TET1: variants seen among roughly 807,000 people sequenced by gnomAD.
TET1 encodes tet methylcytosine dioxygenase 1, also known as methylcytosine dioxygenase TET1.
In TET1, 13 loss-of-function variants were observed where a neutral mutation model predicts 148.7. That is an observed-to-expected ratio of 0.09 (90% confidence interval 0.06 to 0.14). TET1 has a LOEUF of 0.14. Ranked by LOEUF, TET1 falls within the 10% of genes least tolerant of loss-of-function variation. TET1 has a pLI of 1.00. For synonymous variants in TET1, 907 were observed against 937.2 expected (o/e 0.97, Z 0.59); for missense variants, 2,182 against 2,553.8 (o/e 0.85, Z 3.14).
At chr10:68,674,042 A>C (rs1447200702) in intron 8 of TET1, among the ~76,000 whole-genome samples, 14 of 145,404 alleles carry the variant, frequency 9.6e-5, no homozygotes, top group African/African-American at 3.6e-4. Context: ...GCTCACTGCA[A>C]CCTCCACTTC....
intron 3 of TET1, among the ~76,000 whole-genome samples, chr10:68,608,137 C>T (rs1272393212): frequency 6.6e-6 from 1 of 152,098 alleles, no homozygotes; most frequent in Non-Finnish European, 1.5e-5. Flanking sequence ...ATCATGTTGG[C>T]CAGGATGGTC....
chr10:68,637,006 T>TGTGTGA (rs1351386991), intron 3 of TET1, among the ~76,000 whole-genome samples: 1 of 151,822 alleles, frequency 6.6e-6, no homozygotes, highest in African/African-American at 2.4e-5. Context: ...TGTGTGTGTG[T>TGTGTGA]GTGAGTGTGT....
intron 9 of TET1, among the ~76,000 whole-genome samples, chr10:68,681,997 G>C (rs901536364): frequency 3.5e-5 from 5 of 142,514 alleles, no homozygotes; most frequent in Non-Finnish European, 7.6e-5. Flanking sequence ...ACCAGTCATT[G>C]TTAATAGAAA....
intron 3 of TET1, among the ~76,000 whole-genome samples, chr10:68,609,244 C>T (rs1456604634): frequency 6.6e-6 from 1 of 152,098 alleles, no homozygotes. Context: ...TCACTGCAAC[C>T]TCCACCTCCC....
intron 3 of TET1, among the ~76,000 whole-genome samples, chr10:68,610,961 A>G (rs1428814512): frequency 6.6e-6 from 1 of 152,202 alleles, no homozygotes; most frequent in African/African-American, 2.4e-5. Context: ...AATAGTGATT[A>G]TAATTACAAG....
At chr10:68,626,245 G>GT (rs1031424775) in intron 3 of TET1, among the ~76,000 whole-genome samples, 9 of 151,214 alleles carry the variant, frequency 6.0e-5, no homozygotes, top group Non-Finnish European at 1.3e-4. Context: ...CTCTTTACTC[G>GT]TTTTTTTATT....
intron 11 of TET1, 58 bp downstream of exon 11, chr10:68,686,765 A>C (rs983029628): frequency 8.8e-6 from 13 of 1,476,424 alleles, no homozygotes; most frequent in Non-Finnish European, 1.1e-5. Context: ...ATGTGTTTGG[A>C]CTTTGCCTTG....
In TET1 at chr10:68,690,908, A is replaced by G; in HGVS notation, c.5505A>G (p.Pro1835=). The change falls in exon 12 of 12, where the codon CCA becomes CCG. Residue 1835 remains proline, a synonymous_variant. Coordinates refer to ENST00000373644, the MANE Select transcript of TET1 (RefSeq NM_030625.3). ...ACACTAAAACTTATTCGCTGATGCCATCCGCTCCTCACCCAGTGAAAGAGG... is the reference window on the plus strand; with the variant it reads ...ACACTAAAACTTATTCGCTGATGCCGTCCGCTCCTCACCCAGTGAAAGAGG... ...SDNTKTYSLM[P]SAPHPVKEAS... 2.5e-6 allele frequency: 4 copies of G among 1,614,216 alleles called. No individual in the cohort carries two copies. Among genetic ancestry groups the G allele is most frequent in the Non-Finnish European group, 3.4e-6 (4 of 1,180,040 alleles).
intron 3 of TET1, among the ~76,000 whole-genome samples, chr10:68,629,731 T>A (rs923649464): frequency 6.6e-6 from 1 of 152,108 alleles, no homozygotes; most frequent in Non-Finnish European, 1.5e-5. Context: ...AGAGACGGAG[T>A]TTCACCATGT....
intron 2 of TET1, among the ~76,000 whole-genome samples, chr10:68,575,881 G>A (rs1204501046): frequency 2.0e-5 from 3 of 150,602 alleles, no homozygotes; most frequent in African/African-American, 4.9e-5. Context: ...TTAGCCGGGC[G>A]TGACGGCGTG....
chr10:68,689,311 CA>C (rs1349079045), intron 11 of TET1, among the ~76,000 whole-genome samples: 1 of 152,146 alleles, frequency 6.6e-6, no homozygotes, highest in Non-Finnish European at 1.5e-5. Flanking sequence ...ATTATATTAT[CA>C]ATTTATTATA....
chr10:68,591,152 A>G (rs573808260), intron 2 of TET1, among the ~76,000 whole-genome samples: 3 of 152,288 alleles, frequency 2.0e-5, no homozygotes, highest in African/African-American at 7.2e-5. Context: ...ACCGCATCCC[A>G]TTTATGCATT....
At chr10:68,562,153 C>G (rs2053561826) in intron 1 of TET1, among the ~76,000 whole-genome samples, 1 of 152,178 alleles carries the variant, frequency 6.6e-6, no homozygotes, top group Admixed American at 6.5e-5. Flanking sequence ...GGAAGAGCGG[C>G]GCTGTATAGC....
chr10:68,673,992 G>A (rs562772803), intron 8 of TET1, among the ~76,000 whole-genome samples: 27 of 91,234 alleles, frequency 3.0e-4, no homozygotes, highest in Non-Finnish European at 4.3e-4. Context: ...ACAGAGTTTC[G>A]CTCTTGTTGC....
Position 68,645,459 on chromosome 10 carries a change from A to T in TET1, c.2730A>T (p.Pro910=). ...LSEAPSENSS[P]SKSEKDEESE... is the part of the protein sequence containing the mutation. ...AAGCCCCATCAGAGAATTCCTCCCC[A>T]TCAAAGTCAGAGAAGGATGAGGAAT... Residue 910 remains proline (P), a synonymous_variant, in exon 4 of 12, where the codon CCA becomes CCT. Coordinates refer to ENST00000373644, the MANE Select transcript of TET1 (RefSeq NM_030625.3). The T allele has an allele frequency of 6.2e-7, 1 of 1,613,896 alleles. No homozygotes were observed. The highest frequency in any genetic ancestry group is 8.5e-7 in the Non-Finnish European group (1 of 1,180,034).
rs1157715055 is a variant in TET1 at position 68,617,225 on chromosome 10, C to T, written c.1968+16191C>T. Among the ~76,000 whole-genome samples, 269 of 130,628 alleles carry T rather than the reference C, an allele frequency of 2.1e-3. No individual in the cohort carries two copies. In the Middle Eastern group the frequency reaches 0.03, roughly 14 times the overall value. The allele number at this position is 130,628 out of a possible 152,430, so 85.7% of individuals were successfully genotyped here. ...ATTTTTAGTAGAGACGGGGTTTCAC[C>T]ATGTTAACCAGTATGGTCTCGATCT... On this transcript the variant is annotated intron_variant, in intron 3 of 11. Coordinates refer to ENST00000373644, the MANE Select transcript of TET1 (RefSeq NM_030625.3).
intron 1 of TET1, among the ~76,000 whole-genome samples, chr10:68,563,142 T>C (rs2053572365): frequency 6.6e-6 from 1 of 152,146 alleles, no homozygotes; most frequent in Non-Finnish European, 1.5e-5. Context: ...TTCTTGGCCC[T>C]TTTCCCCCCT....
intron 10 of TET1, 124 bp downstream of exon 10, chr10:68,683,097 G>A: frequency 8.5e-7 from 1 of 1,181,690 alleles, no homozygotes. Flanking sequence ...TTAGAAATAA[G>A]TGGAAAATAA....
At chr10:68,617,587 C>T (rs947749407) in intron 3 of TET1, among the ~76,000 whole-genome samples, 1 of 152,060 alleles carries the variant, frequency 6.6e-6, no homozygotes, top group Non-Finnish European at 1.5e-5. Flanking sequence ...CTCTTGTTGC[C>T]TAGGCTGGAG....
Sources: gnomAD v4.1 joint callset for allele counts (sites outside exome capture counted in the v4.1 genomes callset) on GRCh38, gnomAD v4.1.1 for gene constraint, MANE v1.5 for transcripts, NCBI Gene and HGNC (gene_info 2026-07-23, HGNC 2026-07-21) for gene names.